Variants in WDPCP observed in about 807,000 individuals in gnomAD.
WDPCP encodes the protein WD repeat-containing and planar cell polarity effector protein fritz homolog.
A neutral mutation model predicts 93.1 loss-of-function variants in WDPCP; 71 were observed. That is an observed-to-expected ratio of 0.76 (90% CI 0.63 to 0.93). The LOEUF is 0.93. WDPCP is among the 40% of genes least tolerant of loss of function. The pLI, the probability that WDPCP is intolerant of heterozygous loss-of-function variation, is 0.00. For missense variants in WDPCP, 844 were observed against 887.4 expected, an observed-to-expected ratio of 0.95 and a Z score of 0.62; for synonymous variants, 315 against 315.0, an observed-to-expected ratio of 1.00 and a Z score of 0.00.
chr2:63,838,270 A>C, the WDPCP span, among the ~76,000 whole-genome samples: 3 of 152,242 alleles, frequency 2.0e-5, no homozygotes, highest in African/African-American at 7.2e-5. Flanking sequence ...AGGACCACAG[A>C]CATGGTTTCC....
chr2:63,452,616 A>G (rs1698334874), intron 6 of WDPCP, among the ~76,000 whole-genome samples: 1 of 152,224 alleles, frequency 6.6e-6, no homozygotes, highest in Non-Finnish European at 1.5e-5. Context: ...TGGAACCAAA[A>G]AACAGCCTGC....
intron 1 of WDPCP, among the ~76,000 whole-genome samples, chr2:63,523,959 A>G (rs983014681): frequency 6.6e-6 from 1 of 152,138 alleles, no homozygotes; most frequent in African/African-American, 2.4e-5. Context: ...TAGCATTCCT[A>G]CACACCAAAA....
chr2:63,335,407 AT>A (rs1688282163), intron 12 of WDPCP, among the ~76,000 whole-genome samples: 1 of 147,634 alleles, frequency 6.8e-6, no homozygotes, highest in Admixed American at 6.9e-5. Flanking sequence ...TTTGGATGCT[AT>A]TGTAAATAGA....
intron 15 of WDPCP, among the ~76,000 whole-genome samples, chr2:63,173,045 T>C (rs780889300): frequency 1.3e-5 from 2 of 152,096 alleles, no homozygotes; most frequent in African/African-American, 4.8e-5. Context: ...CTGGATCACC[T>C]GAGGTCAGGA....
At chr2:63,796,163 G>A (rs1407698659) in intron 2 of WDPCP, among the ~76,000 whole-genome samples, 1 of 152,194 alleles carries the variant, frequency 6.6e-6, no homozygotes, top group Non-Finnish European at 1.5e-5. Context: ...GTGATACATG[G>A]ACCTGCTGCA....
rs74354788 is a variant in WDPCP, at chr2:63,731,691, G to A, written n.309-80853C>T. Among the ~76,000 whole-genome samples the A allele has an allele frequency of 1.6e-3, 247 of 152,290 alleles. 7 individuals are homozygous for A. In the East Asian group the frequency reaches 0.046, roughly 28 times the overall value. ...AACATTATAATGTACAATGTACTGT[G>A]CAGAGTGTTGGATACTGTGGTTGGA... is the stretch of plus-strand genomic sequence containing the variant. On this transcript the variant is annotated intron_variant and non_coding_transcript_variant, in intron 2 of 4. Coordinates refer to the WDPCP transcript ENST00000467687.
intron 6 of WDPCP, among the ~76,000 whole-genome samples, chr2:63,448,654 T>C (rs1575439074): frequency 6.6e-6 from 1 of 152,316 alleles, no homozygotes; most frequent in East Asian, 1.9e-4. Context: ...AAATGTGGTA[T>C]ATATCCTCAA....
chr2:63,725,939 T>G (rs1260935535), intron 2 of WDPCP, among the ~76,000 whole-genome samples: 4 of 152,210 alleles, frequency 2.6e-5, no homozygotes, highest in Non-Finnish European at 5.9e-5. Context: ...TTCTGGATAT[T>G]AGACCTTTGC....
chr2:63,527,311 G>A (rs1052560980), intron 1 of WDPCP, among the ~76,000 whole-genome samples: 6 of 150,920 alleles, frequency 4.0e-5, no homozygotes, highest in Middle Eastern at 6.8e-3. Context: ...ATGTTGGTGT[G>A]CTACACCCAT....
chr2:63,635,590 G>A (rs1709913263), intron 3 of WDPCP, among the ~76,000 whole-genome samples: 1 of 152,062 alleles, frequency 6.6e-6, no homozygotes, highest in Non-Finnish European at 1.5e-5. Flanking sequence ...CAGATTAACA[G>A]AATAAAGGAT....
intron 1 of WDPCP, among the ~76,000 whole-genome samples, chr2:63,579,851 T>C (rs1013471370): frequency 6.6e-6 from 1 of 152,160 alleles, no homozygotes; most frequent in African/African-American, 2.4e-5. Context: ...TTGATGCTAT[T>C]GTAATAGTAT....
intron 14 of WDPCP, among the ~76,000 whole-genome samples, chr2:63,231,669 T>C (rs986444864): frequency 3.6e-4 from 53 of 147,040 alleles, no homozygotes; most frequent in South Asian, 8.7e-4. Flanking sequence ...CACTGCTTGA[T>C]GAAATAAAAG....
At chr2:63,357,657 A>G (rs11125967) in intron 12 of WDPCP, among the ~76,000 whole-genome samples, 121,913 of 152,100 alleles carry the variant, frequency 0.8, 49,737 homozygotes, top group East Asian at 0.97. Flanking sequence ...CACTGGGGGC[A>G]GGAGTGTTAA....
chr2:63,671,996 C>T (rs940009081), intron 2 of WDPCP, among the ~76,000 whole-genome samples: 1 of 152,112 alleles, frequency 6.6e-6, no homozygotes, highest in Non-Finnish European at 1.5e-5. Context: ...GTGGGATATC[C>T]ATTTTTCCAA....
intron 1 of WDPCP, 109 bp from the exon 2 acceptor site, chr2:63,493,049 T>C (rs1700994870): frequency 2.2e-6 from 2 of 916,640 alleles, no homozygotes; most frequent in South Asian, 1.5e-5. Flanking sequence ...AACTGTTATT[T>C]GAAATATGGC....
chr2:63,757,358 C>T lies in WDPCP; in HGVS notation n.308+56264G>A, dbSNP rs918029671. Among the ~76,000 whole-genome samples the T allele has an allele frequency of 2.0e-5, 3 of 152,264 alleles. No individual in the cohort carries two copies. The South Asian group carries it at 6.2e-4, about 32-fold the overall frequency. On this transcript the variant is annotated intron_variant and non_coding_transcript_variant, in intron 2 of 4. Coordinates refer to the WDPCP transcript ENST00000467687. Reference sequence around the variant, plus strand: ...TCCATTTTCCCCAAGGAGAATATTACAATTATCCTGTTCCTGTATCAGCCC... The same window carrying T: ...TCCATTTTCCCCAAGGAGAATATTATAATTATCCTGTTCCTGTATCAGCCC...
chr2:63,147,967 C>CAAAA (rs11331152), intron 17 of WDPCP, among the ~76,000 whole-genome samples: 4 of 87,512 alleles, frequency 4.6e-5, no homozygotes, highest in Admixed American at 1.2e-4. Context: ...GACTCTGTCT[C>CAAAA]AAAAAAAAAA....
In WDPCP at chr2:63,548,094, A is replaced by G. The variant is rs146838285; in HGVS notation, c.75+40103T>C. On this transcript the variant is annotated intron_variant, in intron 1 of 17. Transcript: ENST00000272321. Reference sequence around the variant, plus strand: ...TATTAATGAAAAACTTAAGACATATAACTCAAAACAAAAATAATAAATACT... The same window carrying G: ...TATTAATGAAAAACTTAAGACATATGACTCAAAACAAAAATAATAAATACT... Among the ~76,000 whole-genome samples, 17 of 152,224 alleles carry G rather than the reference A, an allele frequency of 1.1e-4. No individual in the cohort carries two copies. The East Asian group carries it at 3.1e-3, about 28-fold the overall frequency.
intron 3 of WDPCP, among the ~76,000 whole-genome samples, chr2:63,607,997 TAATG>T (rs1039695529): frequency 2.0e-5 from 3 of 152,340 alleles, no homozygotes; most frequent in African/African-American, 7.2e-5. Flanking sequence ...CACCTTGTGA[TAATG>T]AATCAGTCTA....
Sources: gnomAD v4.1 joint callset for allele counts (sites outside exome capture counted in the v4.1 genomes callset) on GRCh38, gnomAD v4.1.1 for gene constraint, MANE v1.5 for transcripts, NCBI Gene and HGNC (gene_info 2026-07-23, HGNC 2026-07-21) for gene names.